The following VPS8 variants were observed in gnomAD, a reference collection of about 807,000 sequenced individuals.
The protein encoded by VPS8 is VPS8 subunit of CORVET complex, also known as vacuolar protein sorting-associated protein 8 homolog.
A neutral mutation model predicts 216.4 loss-of-function variants in VPS8; 129 were observed. The ratio of observed to expected loss-of-function variants is 0.60; its 90% CI spans 0.52 to 0.69. The LOEUF is 0.69. Ranked by LOEUF, VPS8 falls within the 30% of genes least tolerant of loss-of-function variation. The pLI is 0.00. For missense variants in VPS8, 1,531 were observed against 1,683.5 expected (o/e 0.91, Z 1.59); for synonymous variants, 571 against 565.4 (o/e 1.01, Z -0.14).
rs757237919 is a variant in VPS8, at chr3:184,913,530, G to A, written c.2158G>A (p.Val720Ile). Reference sequence around the variant, plus strand: ...TCTTTCTATTTTAGATGAACAAGTTGTTATGGGCAATAAGCTCCTTGTATA... The same window carrying A: ...TCTTTCTATTTTAGATGAACAAGTTATTATGGGCAATAAGCTCCTTGTATA... ...AGKTLTDEQV[V>I]MGNKLLVYIS... The change falls in exon 26 of 48, where the codon GTT becomes ATT. Residue 720 changes from valine (V) to isoleucine (I), a missense_variant. Val to Ile is a conservative substitution (Grantham distance 29). Coordinates refer to ENST00000625842, the MANE Select transcript of VPS8 (RefSeq NM_001009921.3). 1.9e-6 allele frequency: 3 copies of A among 1,588,026 alleles called. No homozygotes were observed. Among genetic ancestry groups the A allele is most frequent in the Non-Finnish European group, 1.7e-6 (2 of 1,167,668 alleles).
At chr3:184,873,085 C>T (rs1489669670) in intron 21 of VPS8, among the ~76,000 whole-genome samples, 3 of 152,070 alleles carry the variant, frequency 2.0e-5, no homozygotes, top group Admixed American at 6.6e-5. Flanking sequence ...TGAGCACATA[C>T]GATGTGCCAG....
chr3:184,853,675 T>G (rs1260012180), intron 11 of VPS8, among the ~76,000 whole-genome samples, 182 bp from the exon 12 acceptor site: 1 of 152,228 alleles, frequency 6.6e-6, no homozygotes, highest in Non-Finnish European at 1.5e-5. Context: ...GGACTGTTTT[T>G]GGCAGAAAAA....
chr3:185,002,094 G>C (rs916176336), intron 45 of VPS8, among the ~76,000 whole-genome samples: 1 of 152,140 alleles, frequency 6.6e-6, no homozygotes, highest in African/African-American at 2.4e-5. Context: ...AATTAAGAGG[G>C]TCAGAAAGAG....
intron 40 of VPS8, among the ~76,000 whole-genome samples, chr3:184,973,033 A>G (rs1748679233): frequency 6.6e-6 from 1 of 152,166 alleles, no homozygotes; most frequent in Non-Finnish European, 1.5e-5. Flanking sequence ...TTTGTCCAGA[A>G]TTTTTCAAGG....
Position 184,964,492 on chromosome 3 carries a change from G to T in VPS8, c.3208G>T (p.Glu1070Ter). The T allele has an allele frequency of 6.6e-7, 1 of 1,511,342 alleles. No homozygotes were observed. Among genetic ancestry groups the T allele is most frequent in the Non-Finnish European group, 8.9e-7 (1 of 1,124,136 alleles). 93.6% of individuals were successfully genotyped at this position (1,511,342 alleles called of 1,614,324 possible). A position where few individuals can be genotyped will look rare whatever the true frequency, so the allele number is the denominator to read the frequency against. Residue 1070 changes from glutamate to a stop codon, truncating the protein, a stop_gained, in exon 38 of 48, where the codon GAA becomes TAA. Transcript: ENST00000625842. LOFTEE classifies it high-confidence loss of function. ...GATTACTCAGAAGTATCAACTTCAT[G>T]AAGTCACCGCTTATCTATTGGAAAA... ...IQITQKYQLH[E>*]VTAYLLEKKG... is the part of the protein sequence containing the mutation.
chr3:185,011,375 G>A (rs1489024141), intron 45 of VPS8, among the ~76,000 whole-genome samples: 1 of 152,312 alleles, frequency 6.6e-6, no homozygotes, highest in East Asian at 1.9e-4. Context: ...GGAGAAAAGA[G>A]CTTGAATACC....
chr3:185,028,100 G>T (rs1424632813), intron 46 of VPS8, among the ~76,000 whole-genome samples: 1 of 152,076 alleles, frequency 6.6e-6, no homozygotes, highest in Non-Finnish European at 1.5e-5. Flanking sequence ...GCTTTTTTTA[G>T]TGGCTGTCTT....
intron 45 of VPS8, among the ~76,000 whole-genome samples, chr3:185,012,738 A>G (rs1308712521): frequency 3.3e-5 from 5 of 152,150 alleles, no homozygotes; most frequent in African/African-American, 4.8e-5. Flanking sequence ...TGGTGCACGT[A>G]TTGTATGTGA....
intron 22 of VPS8, among the ~76,000 whole-genome samples, chr3:184,890,616 A>G (rs1012520595): frequency 2.0e-5 from 3 of 152,128 alleles, no homozygotes; most frequent in Non-Finnish European, 2.9e-5. Context: ...GCTAGTGGAT[A>G]TATGTATTCC....
Position 184,929,216 on chromosome 3 carries a change from C to G in VPS8, c.2715-364C>G, listed in dbSNP as rs532270318. On this transcript the variant is annotated intron_variant, in intron 32 of 47. Transcript: ENST00000625842. ...AATTTTTCTTTTTTTTCTTTTGAGACAAAGTCTCCCTCTGTTGACCAGGCT... is the reference window on the plus strand; with the variant it reads ...AATTTTTCTTTTTTTTCTTTTGAGAGAAAGTCTCCCTCTGTTGACCAGGCT... Among the ~76,000 whole-genome samples, 376 of 152,100 alleles carry G rather than the reference C, an allele frequency of 2.5e-3. 1 individual carries two copies. The highest frequency in any genetic ancestry group is 8.5e-3 in the African/African-American group (353 of 41,460).
intron 21 of VPS8, among the ~76,000 whole-genome samples, chr3:184,882,008 CAT>C (rs1730350449): frequency 6.6e-6 from 1 of 151,694 alleles, no homozygotes; most frequent in African/African-American, 2.4e-5. Flanking sequence ...TGTGGACACT[CAT>C]GTCATCTGCC....
At chr3:184,905,618 C>CTTTTTTTTT (rs59430187) in intron 25 of VPS8, among the ~76,000 whole-genome samples, 1 of 125,658 alleles carries the variant, frequency 8.0e-6, no homozygotes, top group Non-Finnish European at 1.7e-5. Flanking sequence ...AAGCTCAGCT[C>CTTTTTTTTT]TTTTTTTTTT....
rs768172207 is a variant in VPS8, at chr3:184,994,105, G to T, written c.3666+42G>T. On this transcript the variant is annotated intron_variant, in intron 43 of 47. Coordinates refer to ENST00000625842, the MANE Select transcript of VPS8 (RefSeq NM_001009921.3). The stretch of plus-strand genomic sequence containing the variant: ...TTACATCTAAGTCTGTCCTAAGGTA[G>T]AAAAATGCTATTTTTTTTAATTTTG... 7.3e-6 allele frequency: 10 copies of T among 1,375,502 alleles called. No homozygotes were observed. The Admixed American group carries it at 2.0e-4, about 27-fold the overall frequency. 85.2% of individuals were successfully genotyped at this position (1,375,502 alleles called of 1,614,324 possible).
At chr3:184,941,878 T>G (rs770273821) in intron 36 of VPS8, among the ~76,000 whole-genome samples, 13 of 151,878 alleles carry the variant, frequency 8.6e-5, no homozygotes, top group Non-Finnish European at 1.8e-4. Context: ...GTGTGGAAAG[T>G]GATGGTGACC....
intron 40 of VPS8, among the ~76,000 whole-genome samples, chr3:184,974,339 G>T (rs921229354): frequency 6.6e-6 from 1 of 152,054 alleles, no homozygotes; most frequent in Non-Finnish European, 1.5e-5. Context: ...TTGGCCATTT[G>T]TATGGCTGAC....
At chr3:184,822,665 A>C (rs1717858905) in intron 1 of VPS8, among the ~76,000 whole-genome samples, 1 of 152,234 alleles carries the variant, frequency 6.6e-6, no homozygotes, top group African/African-American at 2.4e-5. Flanking sequence ...ATAGTTGTTA[A>C]ATAATTGCAA....
At chr3:184,856,964 C>G (rs1290334625) in intron 14 of VPS8, among the ~76,000 whole-genome samples, 1 of 152,172 alleles carries the variant, frequency 6.6e-6, no homozygotes, top group African/African-American at 2.4e-5. Flanking sequence ...CTCAAGCGTT[C>G]CTCCCACCTC....
At chr3:184,939,316 A>G (rs1020925142) in intron 35 of VPS8, among the ~76,000 whole-genome samples, 2 of 151,960 alleles carry the variant, frequency 1.3e-5, no homozygotes, top group African/African-American at 4.8e-5. Context: ...AAAAATAAAT[A>G]TATTTTTAAA....
At chr3:184,843,654 A>T (rs185906911) in intron 8 of VPS8, among the ~76,000 whole-genome samples, 115 of 152,338 alleles carry the variant, frequency 7.5e-4, no homozygotes, top group Admixed American at 1.7e-3. Context: ...CAATCAATGC[A>T]TGCAAAATCC....
Sources: gnomAD v4.1 joint callset for allele counts (sites outside exome capture counted in the v4.1 genomes callset) on GRCh38, gnomAD v4.1.1 for gene constraint, MANE v1.5 for transcripts, NCBI Gene and HGNC (gene_info 2026-07-23, HGNC 2026-07-21) for gene names.